The following DLGAP4 variants were observed in gnomAD, a reference collection of about 807,000 sequenced individuals.
DLGAP4 encodes the protein DLG associated protein 4.
In DLGAP4, 18 loss-of-function variants were observed where a neutral mutation model predicts 86.9. That is an observed-to-expected ratio of 0.21 (90% CI 0.14 to 0.31). DLGAP4 has a LOEUF of 0.31. Ranked by LOEUF, DLGAP4 falls within the 10% of genes least tolerant of loss-of-function variation. DLGAP4 has a pLI of 1.00. For synonymous variants in DLGAP4, 548 were observed against 574.3 expected (o/e 0.95, Z 0.65); for missense variants, 1,085 against 1,362.6 (o/e 0.80, Z 3.21).
rs112202535 is a variant in DLGAP4, at chr20:36,453,280, A to C, written c.1648+6343A>C. On this transcript the variant is annotated intron_variant, in intron 7 of 12. Coordinates refer to ENST00000339266, the MANE Select transcript of DLGAP4 (RefSeq NM_001365621.2). The stretch of plus-strand genomic sequence containing the variant: ...AGACCAGCCTCAGCAACATAGTGAG[A>C]CTCCATCTCTACAAAAAATTTTTTT... Among the ~76,000 whole-genome samples, 1,451 of 152,156 alleles carry C rather than the reference A, an allele frequency of 9.5e-3. 25 individuals carry two copies. Among genetic ancestry groups the C allele is most frequent in the African/African-American group, 0.034 (1,404 of 41,486 alleles).
intron 2 of DLGAP4, among the ~76,000 whole-genome samples, chr20:36,376,259 C>T (rs1197705741): frequency 2.6e-5 from 4 of 152,076 alleles, no homozygotes; most frequent in African/African-American, 9.7e-5. Context: ...AGGTGGATCA[C>T]CTGAGGTCAG....
chr20:36,432,344 C>T lies in DLGAP4; in HGVS notation c.627C>T (p.Asp209=), dbSNP rs777543799. The T allele has an allele frequency of 1.9e-5, 31 of 1,613,616 alleles. No individual in the cohort carries two copies. In the Admixed American group the frequency reaches 5.2e-4, roughly 27 times the overall value. ...SNISGWWSSD[D]NLDGEAGAFR... is the part of the protein sequence containing the mutation. ...TCTCAGGCTGGTGGAGCTCCGATGA[C>T]AACTTGGACGGCGAGGCCGGCGCCT... The change falls in exon 3 of 13, where the codon GAC becomes GAT. Residue 209 remains aspartate, a synonymous_variant. Transcript: ENST00000339266. This position sits in a 1 kb window ranked among gnomAD's most constrained non-coding sequence, Gnocchi z 6.5.
chr20:36,496,910 G>A lies in DLGAP4; in HGVS notation c.1854G>A (p.Pro618=), dbSNP rs767985605. 74 of 1,614,026 alleles carry A rather than the reference G, an allele frequency of 4.6e-5. No individual in the cohort carries two copies. Among genetic ancestry groups the A allele is most frequent in the African/African-American group, 8.0e-5 (6 of 74,910 alleles). Residue 618 remains proline (P), a synonymous_variant, in exon 8 of 13, where the codon CCG becomes CCA. Coordinates refer to ENST00000339266, the MANE Select transcript of DLGAP4 (RefSeq NM_001365621.2). ...ACAGCCTGGACAGCAGTACCCGACC[G>A]CCCAGCGTGACACGGGGTGGAGTCG... ...SSDSLDSSTR[P]PSVTRGGVAP... is the part of the protein sequence containing the mutation.
intron 1 of DLGAP4, among the ~76,000 whole-genome samples, chr20:36,361,895 C>T (rs1200720950): frequency 6.6e-6 from 1 of 150,680 alleles, no homozygotes; most frequent in East Asian, 2.0e-4. Context: ...AGGAGAATCG[C>T]TTGAACCCGG....
chr20:36,524,108 T>C (rs2037553048), intron 10 of DLGAP4, 142 bp from the exon 11 acceptor site: 2 of 704,700 alleles, frequency 2.8e-6, no homozygotes, highest in Non-Finnish European at 5.1e-6. Context: ...TGGATTAATG[T>C]GTAGATAAAA....
intron 1 of DLGAP4, among the ~76,000 whole-genome samples, chr20:36,309,226 A>G (rs1311067885): frequency 6.6e-6 from 1 of 151,670 alleles, no homozygotes; most frequent in East Asian, 1.9e-4. Context: ...CACTGTCACC[A>G]CCCGCCCAGC....
Position 36,404,740 on chromosome 20 carries a change from T to C in DLGAP4, c.-72-26906T>C, listed in dbSNP as rs116710213. 1.9e-3 allele frequency among the ~76,000 whole-genome samples: 273 copies of C among 146,312 alleles called. 2 individuals carry two copies. The highest frequency in any genetic ancestry group is 7.0e-3 in the African/African-American group (261 of 37,448). On this transcript the variant is annotated intron_variant, in intron 2 of 12. Transcript: ENST00000339266. The stretch of plus-strand genomic sequence containing the variant: ...GCCCACGGGAGATGTTTACAAATAT[T>C]TGTTGGTTGGATGAATGAATGAATG...
intron 1 of DLGAP4, among the ~76,000 whole-genome samples, chr20:36,359,689 C>T (rs920645547): frequency 1.3e-5 from 2 of 152,162 alleles, no homozygotes; most frequent in East Asian, 1.9e-4. Context: ...GTTGGTACTG[C>T]GTGCAAGGAC....
chr20:36,340,172 T>TGC (rs2065364096), intron 1 of DLGAP4, among the ~76,000 whole-genome samples: 2 of 151,888 alleles, frequency 1.3e-5, no homozygotes, highest in Non-Finnish European at 2.9e-5. Flanking sequence ...GCCCCAAGTA[T>TGC]GAGTGCGGTA....
At chr20:36,341,263 G>A (rs1277546924) in intron 1 of DLGAP4, among the ~76,000 whole-genome samples, 1 of 152,188 alleles carries the variant, frequency 6.6e-6, no homozygotes, top group Non-Finnish European at 1.5e-5. Context: ...CTTTTCAGAG[G>A]AGCCTTCTGT....
At chr20:36,399,934 T>C (rs80208580) in intron 2 of DLGAP4, among the ~76,000 whole-genome samples, 2,540 of 152,290 alleles carry the variant, frequency 0.017, 71 homozygotes, top group African/African-American at 0.057. Flanking sequence ...CAGGGGCTAC[T>C]AGCTTTTAGA....
At position 36,436,424 on chromosome 20, in the gene DLGAP4, A is replaced by G; in HGVS notation, c.1241+74A>G. On this transcript the variant is annotated intron_variant, in intron 4 of 12. Coordinates refer to ENST00000339266, the MANE Select transcript of DLGAP4 (RefSeq NM_001365621.2). ...CCCACTACGAGTCTTGCTCCCTGGG[A>G]GGAGCCCTGCATTAAAATAAGCCCC... 3 of 1,465,188 alleles carry G rather than the reference A, an allele frequency of 2.0e-6. No individual in the cohort carries two copies. In the South Asian group the frequency reaches 4.3e-5, roughly 21 times the overall value. The allele number at this position is 1,465,188 out of a possible 1,614,324, so 90.8% of individuals were successfully genotyped here.
intron 2 of DLGAP4, among the ~76,000 whole-genome samples, chr20:36,405,526 C>T (rs925624360): frequency 6.6e-6 from 1 of 151,986 alleles, no homozygotes; most frequent in East Asian, 1.9e-4. Flanking sequence ...ACACATGGGG[C>T]GCCTCGGTGG....
chr20:36,464,597 C>G (rs2034255907), intron 7 of DLGAP4, among the ~76,000 whole-genome samples: 1 of 152,272 alleles, frequency 6.6e-6, no homozygotes, highest in African/African-American at 2.4e-5. Context: ...CGCCTGTAAT[C>G]CCAACACTTT....
At chr20:36,353,839 C>G (rs80014126) in intron 1 of DLGAP4, among the ~76,000 whole-genome samples, 178 of 152,346 alleles carry the variant, frequency 1.2e-3, no homozygotes, top group African/African-American at 4.1e-3. Context: ...TCCTATAGAT[C>G]CAGTTCTGTA....
intron 7 of DLGAP4, among the ~76,000 whole-genome samples, chr20:36,478,556 G>C (rs573332403): frequency 6.6e-6 from 1 of 152,214 alleles, no homozygotes; most frequent in Non-Finnish European, 1.5e-5. Context: ...TTGGGATGCT[G>C]CCTGGCCTCG....
chr20:36,372,615 C>T (rs773638185), intron 2 of DLGAP4, among the ~76,000 whole-genome samples: 1 of 151,590 alleles, frequency 6.6e-6, no homozygotes, highest in South Asian at 2.1e-4. Context: ...GGCAGAACAA[C>T]GTACACTCGT....
intron 1 of DLGAP4, among the ~76,000 whole-genome samples, chr20:36,311,492 A>C (rs1203221075): frequency 1.3e-5 from 2 of 152,190 alleles, no homozygotes; most frequent in African/African-American, 4.8e-5. Flanking sequence ...GGCTGGTTGC[A>C]AAACCAGGCT....
chr20:36,444,945 AATT>A (rs1159173496), intron 6 of DLGAP4, among the ~76,000 whole-genome samples: 1 of 151,584 alleles, frequency 6.6e-6, no homozygotes, highest in Admixed American at 6.6e-5. Context: ...TGGACTAATC[AATT>A]ATTATTATTA....
Sources: allele counts gnomAD v4.1 joint callset (sites outside exome capture counted in the v4.1 genomes callset), GRCh38; gene constraint gnomAD v4.1.1; non-coding constraint Gnocchi (gnomAD v3.1); transcripts MANE v1.5; gene names NCBI Gene and HGNC (gene_info 2026-07-23, HGNC 2026-07-21).